The following PHF14 variants were observed in gnomAD, a reference collection of about 807,000 sequenced individuals.
PHF14 encodes the protein PHD finger protein 14.
In PHF14, 55 loss-of-function variants were observed where a neutral mutation model predicts 117.9. That is an observed-to-expected ratio of 0.47 (90% CI 0.38 to 0.58). The LOEUF (loss-of-function observed/expected upper bound fraction) is 0.58. Among genes scored for constraint, PHF14 ranks in the 20% least tolerant of loss-of-function variants. The probability of loss-of-function intolerance (pLI) is 0.00; values close to 1 mark genes in which losing one functional copy is unlikely to be tolerated. For synonymous variants in PHF14, 409 were observed against 368.6 expected (o/e 1.11, Z -1.26); for missense variants, 978 against 1,122.2 (o/e 0.87, Z 1.84).
intron 4 of PHF14, among the ~76,000 whole-genome samples, chr7:11,012,762 A>G (rs565992918): frequency 5.9e-5 from 9 of 152,340 alleles, no homozygotes; most frequent in East Asian, 3.9e-4. Flanking sequence ...AGAGGAAAAA[A>G]GAGAATGACA....
At chr7:10,983,196 GA>G in intron 3 of PHF14, 37 bp downstream of exon 3, 1 of 1,547,146 alleles carries the variant, frequency 6.5e-7, no homozygotes, top group Non-Finnish European at 8.7e-7. Flanking sequence ...TCTGTCTGGG[GA>G]AAAGGGAATT....
chr7:11,124,369 TTACA>T (rs199620281), intron 17 of PHF14, among the ~76,000 whole-genome samples: 1,870 of 152,270 alleles, frequency 0.012, 27 homozygotes, highest in African/African-American at 0.043. Context: ...TTAAATACTC[TTACA>T]TAATCTATTT....
intron 14 of PHF14, among the ~76,000 whole-genome samples, chr7:11,052,478 A>G (rs1784878093): frequency 6.6e-6 from 1 of 152,154 alleles, no homozygotes; most frequent in African/African-American, 2.4e-5. Context: ...CAGCATGGTA[A>G]CAAGGAGTTT....
In PHF14 at chr7:11,053,332, C is replaced by T. The variant is rs943021911; in HGVS notation, c.2481+1552C>T. Reference sequence around the variant, plus strand: ...ATCTTTATCTCTTAGATAATTGAAACAGTTTATTTTGGGTGCTCTAAGTAG... The same window carrying T: ...ATCTTTATCTCTTAGATAATTGAAATAGTTTATTTTGGGTGCTCTAAGTAG... On this transcript the variant is annotated intron_variant, in intron 14 of 17. Coordinates refer to ENST00000634607, the MANE Select transcript of PHF14 (RefSeq NM_001007157.2). Among the ~76,000 whole-genome samples, 9 of 151,988 alleles carry T rather than the reference C, an allele frequency of 5.9e-5. No homozygotes were observed. In the East Asian group the frequency reaches 1.5e-3, roughly 26 times the overall value.
chr7:11,104,546 G>GTAAA (rs1787194451), intron 16 of PHF14: 1 of 980,988 alleles, frequency 1.0e-6, no homozygotes, highest in Non-Finnish European at 1.2e-6. Context: ...GGCACATCAG[G>GTAAA]TAAATGATAG....
chr7:10,974,022 G>A lies in PHF14; in HGVS notation c.-302G>A, dbSNP rs1703547876. On this transcript the variant is annotated 5_prime_UTR_variant, in exon 1 of 18. Coordinates refer to ENST00000634607, the MANE Select transcript of PHF14 (RefSeq NM_001007157.2). ...AATTTTTTTTCTTCTAGTTTTAACG[G>A]GAGAAATTAACTCCCCGGGGCCGCC... is the stretch of plus-strand genomic sequence containing the variant. The A allele has an allele frequency of 1.6e-5, 6 of 372,486 alleles. No homozygotes were observed. In the East Asian group the frequency reaches 2.3e-4, roughly 14 times the overall value. 23.1% of individuals were successfully genotyped at this position (372,486 alleles called of 1,614,324 possible).
rs575981535 is a variant in PHF14 at position 10,992,535 on chromosome 7, T to C, written c.1045+1688T>C. Among the ~76,000 whole-genome samples, 25 of 151,850 alleles carry C rather than the reference T, an allele frequency of 1.6e-4. No homozygotes were observed. In the South Asian group the frequency reaches 5.0e-3, roughly 30 times the overall value. On this transcript the variant is annotated intron_variant, in intron 4 of 17. Coordinates refer to ENST00000634607, the MANE Select transcript of PHF14 (RefSeq NM_001007157.2). The stretch of plus-strand genomic sequence containing the variant: ...AAAATTAGCCGGGCGTGGTGGCTTA[T>C]ACCTGTAATCCCAGTTACTCGAGAG...
chr7:11,030,923 C>T (rs1052704009), intron 7 of PHF14, among the ~76,000 whole-genome samples: 1 of 152,120 alleles, frequency 6.6e-6, no homozygotes, highest in African/African-American at 2.4e-5. Flanking sequence ...CAGAATATTG[C>T]ATGAATCAAT....
chr7:11,101,421 A>G (rs1562466728), intron 16 of PHF14, among the ~76,000 whole-genome samples: 1 of 151,902 alleles, frequency 6.6e-6, no homozygotes, highest in Non-Finnish European at 1.5e-5. Context: ...TCAGAGTATC[A>G]GATTCAGAAT....
chr7:11,047,663 C>A (rs112684019), intron 13 of PHF14, among the ~76,000 whole-genome samples: 23 of 150,214 alleles, frequency 1.5e-4, no homozygotes, highest in Non-Finnish European at 3.0e-5. Flanking sequence ...GATGGGGATT[C>A]GTAATCCCTG....
At chr7:11,062,723 C>T (rs866602526) in intron 16 of PHF14, 56 of 985,020 alleles carry the variant, frequency 5.7e-5, no homozygotes, top group African/African-American at 4.5e-4. Flanking sequence ...CTTTTCCCAA[C>T]GGTCCAGAGG....
chr7:11,075,647 C>T (rs577467095), intron 16 of PHF14, among the ~76,000 whole-genome samples: 8 of 149,204 alleles, frequency 5.4e-5, no homozygotes, highest in South Asian at 4.3e-4. Flanking sequence ...TCCCACCAGG[C>T]GCACCTCCAA....
At chr7:11,062,853 A>G in intron 16 of PHF14, 1 of 985,138 alleles carries the variant, frequency 1.0e-6, no homozygotes. Flanking sequence ...GGACAGTGTC[A>G]CAAAAGTTCT....
At chr7:11,151,964 TAAG>T (rs1185684205) in intron 17 of PHF14, among the ~76,000 whole-genome samples, 1 of 152,174 alleles carries the variant, frequency 6.6e-6, no homozygotes, top group Non-Finnish European at 1.5e-5. Context: ...TCATAAGATT[TAAG>T]AAGTATACCA....
At position 10,982,706 on chromosome 7, in the gene PHF14, T is replaced by C; in HGVS notation, c.447T>C (p.Ala149=). The stretch of plus-strand genomic sequence containing the variant: ...CTGAGAATGTGGCTGCTTCTGCTGC[T>C]GCCACCACACCAGCCACAAGTCCTC... The part of the protein sequence containing the change: ...TVSENVAASA[A]ATTPATSPPA... The change falls in exon 3 of 18, where the codon GCT becomes GCC. Residue 149 remains alanine, a synonymous_variant. Coordinates refer to ENST00000634607, the MANE Select transcript of PHF14 (RefSeq NM_001007157.2). The C allele has an allele frequency of 1.2e-6, 2 of 1,610,694 alleles. No individual in the cohort carries two copies. The highest frequency in any genetic ancestry group is 2.2e-5 in the South Asian group (2 of 90,678).
rs563530907 is a variant in PHF14, at chr7:11,111,826, A to G, written c.2772+359A>G. ...GTCATAATAAATTATGTTAGCTAACAGAATAACCAATTAAATAGAATTTTA... is the reference window on the plus strand; with the variant it reads ...GTCATAATAAATTATGTTAGCTAACGGAATAACCAATTAAATAGAATTTTA... On this transcript the variant is annotated intron_variant, in intron 17 of 17. Coordinates refer to ENST00000634607, the MANE Select transcript of PHF14 (RefSeq NM_001007157.2). 2.0e-5 allele frequency among the ~76,000 whole-genome samples: 3 copies of G among 152,064 alleles called. No homozygotes were observed. The South Asian group carries it at 6.2e-4, about 32-fold the overall frequency.
At chr7:10,974,732 A>G (rs1395811852) in intron 1 of PHF14, 103 bp from the exon 2 acceptor site, 7 of 673,008 alleles carry the variant, frequency 1.0e-5, no homozygotes, top group East Asian at 2.7e-5. Context: ...CAGTTAGACA[A>G]AAATTCCTTG....
At chr7:10,974,387 G>A (rs549241697) in intron 1 of PHF14, 63 bp downstream of exon 1, 242 of 1,395,688 alleles carry the variant, frequency 1.7e-4, no homozygotes, top group Non-Finnish European at 2.2e-4. Context: ...AGTCAGGGCC[G>A]GTGGGAGCAG....
At chr7:11,153,980 A>C (rs909115757) in intron 17 of PHF14, among the ~76,000 whole-genome samples, 2 of 149,874 alleles carry the variant, frequency 1.3e-5, no homozygotes, top group African/African-American at 5.0e-5. Context: ...TGTTTTAAGA[A>C]TAAGGAATAC....
Sources: allele counts gnomAD v4.1 joint callset (sites outside exome capture counted in the v4.1 genomes callset), GRCh38; gene constraint gnomAD v4.1.1; transcripts MANE v1.5; gene names NCBI Gene and HGNC (gene_info 2026-07-23, HGNC 2026-07-21).